The following SLC1A3 variants were observed in gnomAD, a reference collection of about 807,000 sequenced individuals.
SLC1A3 encodes solute carrier family 1 member 3.
A neutral mutation model predicts 48.1 loss-of-function variants in SLC1A3; 21 were observed. The ratio of observed to expected loss-of-function variants is 0.44; its 90% confidence interval spans 0.31 to 0.63. The LOEUF (loss-of-function observed/expected upper bound fraction) is 0.63, where lower values mean the gene tolerates loss of function less well. Among genes scored for constraint, SLC1A3 ranks in the 20% least tolerant of loss-of-function variants. SLC1A3 has a pLI of 0.08. For missense variants in SLC1A3, 546 were observed against 689.0 expected (o/e 0.79, Z 2.32); for synonymous variants, 239 against 251.4 (o/e 0.95, Z 0.47).
upstream of SLC1A3, among the ~76,000 whole-genome samples, chr5:36,604,907 G>A (rs1476791080): frequency 6.8e-4 from 3 of 4,390 alleles, no homozygotes; most frequent in Non-Finnish European, 1.1e-3. Flanking sequence ...AAAAAGCGGT[G>A]GGGGGGGGGG....
intron 2 of SLC1A3, among the ~76,000 whole-genome samples, chr5:36,619,254 C>CGCCT (rs1354016274): frequency 6.6e-6 from 1 of 152,180 alleles, no homozygotes; most frequent in Admixed American, 6.5e-5. Context: ...CACCAGGAAA[C>CGCCT]GCCTGAAAGT....
Position 36,687,470 on chromosome 5 carries a change from C to G in SLC1A3, c.*1201C>G, listed in dbSNP as rs1461143702. ...CTTTTTCTCGAGTCCAAAATCATTCCCCCCGTGAAGTCTGCTTACCAAAAC... is the reference window on the plus strand; with the variant it reads ...CTTTTTCTCGAGTCCAAAATCATTCGCCCCGTGAAGTCTGCTTACCAAAAC... On this transcript the variant is annotated 3_prime_UTR_variant, in exon 10 of 10. Transcript: ENST00000265113. 1 of 151,908 alleles carries G rather than the reference C, an allele frequency of 6.6e-6. No individual in the cohort carries two copies. The highest frequency in any genetic ancestry group is 2.1e-4 in the South Asian group (1 of 4,820). The allele number at this position is 151,908 out of a possible 1,614,324, so 9.4% of individuals were successfully genotyped here. A position where few individuals can be genotyped will look rare whatever the true frequency, so the allele number is the denominator to read the frequency against.
At chr5:36,607,253 T>C (rs956659575) in intron 1 of SLC1A3, 1 of 152,122 alleles carries the variant, frequency 6.6e-6, no homozygotes, top group African/African-American at 2.4e-5. Flanking sequence ...TGGTTTCCAG[T>C]TACCTCCCCC....
chr5:36,685,067 G>C (rs1034576081), intron 9 of SLC1A3, among the ~76,000 whole-genome samples: 2 of 151,830 alleles, frequency 1.3e-5, no homozygotes, highest in Non-Finnish European at 2.9e-5. Flanking sequence ...TGATCTATAT[G>C]GGTTGTATCT....
At chr5:36,680,841 C>T (rs1561285385) in intron 8 of SLC1A3, among the ~76,000 whole-genome samples, 1 of 151,314 alleles carries the variant, frequency 6.6e-6, no homozygotes, top group Non-Finnish European at 1.5e-5. Context: ...TGCTTGAACC[C>T]GGAGGCAGAG....
At chr5:36,630,172 G>A (rs1219645745) in intron 3 of SLC1A3, 1 of 155,872 alleles carries the variant, frequency 6.4e-6, no homozygotes, top group South Asian at 1.9e-4. Context: ...GTGGGAGAAG[G>A]GGGAGGGGGC....
intron 1 of SLC1A3, among the ~76,000 whole-genome samples, chr5:36,599,115 G>A (rs1288623401): frequency 6.6e-6 from 1 of 152,114 alleles, no homozygotes; most frequent in Non-Finnish European, 1.5e-5. Context: ...AGTGCTCAAT[G>A]GTTACATGTG....
chr5:36,680,073 C>A (rs1742376059), intron 7 of SLC1A3, among the ~76,000 whole-genome samples: 1 of 152,150 alleles, frequency 6.6e-6, no homozygotes, highest in Admixed American at 6.5e-5. Context: ...ATCAACTATC[C>A]TTTCCCGTCC....
At chr5:36,671,819 G>T (rs1049577936) in intron 4 of SLC1A3, among the ~76,000 whole-genome samples, 1 of 152,204 alleles carries the variant, frequency 6.6e-6, no homozygotes, top group Admixed American at 6.5e-5. Flanking sequence ...ACCATACGTT[G>T]ATTACAAATG....
At chr5:36,678,056 G>A (rs1742283572) in intron 6 of SLC1A3, among the ~76,000 whole-genome samples, 1 of 152,222 alleles carries the variant, frequency 6.6e-6, no homozygotes, top group Non-Finnish European at 1.5e-5. Flanking sequence ...CCAACGGGGA[G>A]AGAACGCTTT....
intron 2 of SLC1A3, 22 bp from the exon 3 acceptor site, chr5:36,629,428 T>G (rs78593138): frequency 4.3e-6 from 1 of 232,144 alleles, no homozygotes. Context: ...TTTCTTTTTC[T>G]TTTTTTTTTT....
intron 1 of SLC1A3, among the ~76,000 whole-genome samples, chr5:36,607,859 C>T (rs185514654): frequency 1.6e-4 from 24 of 152,206 alleles, no homozygotes; most frequent in African/African-American, 5.5e-4. Context: ...GTAACAGAGA[C>T]AACTCCCACC....
chr5:36,668,499 G>C (rs1741852351), intron 3 of SLC1A3: 1 of 152,210 alleles, frequency 6.6e-6, no homozygotes, highest in South Asian at 2.1e-4. Context: ...CTCTGTGTGG[G>C]ACTTCGATCC....
At chr5:36,614,718 C>G (rs1356503381) in intron 2 of SLC1A3, among the ~76,000 whole-genome samples, 1 of 152,124 alleles carries the variant, frequency 6.6e-6, no homozygotes, top group Non-Finnish European at 1.5e-5. Context: ...TGAGTGTTCA[C>G]CACCTCCCTG....
At chr5:36,666,872 C>A (rs1292460717) in intron 3 of SLC1A3, among the ~76,000 whole-genome samples, 1 of 152,174 alleles carries the variant, frequency 6.6e-6, no homozygotes, top group African/African-American at 2.4e-5. Flanking sequence ...TTTGTTGTGA[C>A]AAATCAATTG....
In SLC1A3 at chr5:36,674,047, AG is replaced by A. The variant is rs1561280769; in HGVS notation, c.525del. On this transcript the variant is annotated splice_acceptor_variant, in intron 4 of 9. Transcript: ENST00000265113. LOFTEE classifies it high-confidence loss of function. ...TGCAAGTGACTATTACTTTCTTTGC[AG>A]GAACATGTTCCCTCCAAATCTGGTA... 1.9e-6 allele frequency: 3 copies of A among 1,612,876 alleles called. No individual in the cohort carries two copies. Among genetic ancestry groups the A allele is most frequent in the Non-Finnish European group, 2.5e-6 (3 of 1,178,938 alleles).
At chr5:36,621,343 A>T (rs1213293591) in intron 2 of SLC1A3, among the ~76,000 whole-genome samples, 1 of 152,174 alleles carries the variant, frequency 6.6e-6, no homozygotes, top group African/African-American at 2.4e-5. Context: ...AAGTGTGGAA[A>T]CAGGTGAGAG....
intron 1 of SLC1A3, 136 bp from the exon 2 acceptor site, chr5:36,608,193 G>A (rs1739037034): frequency 1.9e-6 from 1 of 538,060 alleles, no homozygotes; most frequent in African/African-American, 1.9e-5. Flanking sequence ...GCAACCTTGA[G>A]GTCTGGTATT....
At chr5:36,680,228 G>A (rs1742383207) in intron 7 of SLC1A3, 167 bp from the exon 8 acceptor site, 3 of 689,150 alleles carry the variant, frequency 4.4e-6, no homozygotes, top group South Asian at 3.3e-5. Flanking sequence ...CCCCGTGAGG[G>A]GACCACACTG....
Sources: gnomAD v4.1 joint callset for allele counts (sites outside exome capture counted in the v4.1 genomes callset) on GRCh38, gnomAD v4.1.1 for gene constraint, MANE v1.5 for transcripts, NCBI Gene and HGNC (gene_info 2026-07-23, HGNC 2026-07-21) for gene names.